Variants in DDX54 observed in about 807,000 individuals in gnomAD.
The protein encoded by DDX54 is DEAD-box helicase 54, also known as ATP-dependent RNA helicase DDX54.
DDX54 carries 67 observed loss-of-function variants against 105.5 expected under a neutral mutation model. The observed-to-expected ratio is 0.64, with a 90% CI of 0.52 to 0.78. The LOEUF (loss-of-function observed/expected upper bound fraction) is 0.78, where lower values mean the gene tolerates loss of function less well. DDX54 is among the 30% of genes least tolerant of loss of function. The probability of loss-of-function intolerance (pLI) is 0.00; values close to 1 mark genes in which losing one functional copy is unlikely to be tolerated. For synonymous variants in DDX54, 514 were observed against 509.9 expected (o/e 1.01, Z -0.11); for missense variants, 1,206 against 1,230.5 (o/e 0.98, Z 0.30).
chr12:113,184,290 C>T (rs1952500236), intron 1 of DDX54, among the ~76,000 whole-genome samples: 1 of 152,072 alleles, frequency 6.6e-6, no homozygotes, highest in Non-Finnish European at 1.5e-5. Context: ...CTATGTTGCC[C>T]AGGCTGATCT....
In DDX54 at chr12:113,166,122, C is replaced by T. The variant is rs1952272964; in HGVS notation, c.1415-90G>A. ...ACCACTCTTGGGCCTCACCCTGGCCCCTGAATCACAGGTAAATGGCTACAA... is the reference window on the plus strand; with the variant it reads ...ACCACTCTTGGGCCTCACCCTGGCCTCTGAATCACAGGTAAATGGCTACAA... On this transcript the variant is annotated intron_variant, in intron 12 of 19. Coordinates refer to ENST00000306014, the MANE Select transcript of DDX54 (RefSeq NM_024072.4). The T allele has an allele frequency of 3.8e-6, 5 of 1,300,326 alleles. No individual in the cohort carries two copies. In the East Asian group the frequency reaches 1.2e-4, roughly 31 times the overall value. 80.5% of individuals were successfully genotyped at this position (1,300,326 alleles called of 1,614,324 possible).
Position 113,158,963 on chromosome 12 carries a change from TGCGG to T in DDX54, c.2556_2559del (p.Arg853ThrfsTer42). 1 of 1,611,450 alleles carries T rather than the reference TGCGG, an allele frequency of 6.2e-7. No homozygotes were observed. The highest frequency in any genetic ancestry group is 8.5e-7 in the Non-Finnish European group (1 of 1,179,058). ...TGCAGCTCCTGGACGCGGCGGCGGT[TGCGG>T]GCAGAGAGCTGCTTGAGGCCACCAC... is the stretch of plus-strand genomic sequence containing the variant. On this transcript the variant is annotated frameshift_variant, in exon 20 of 20. Transcript: ENST00000306014. LOFTEE classifies it high-confidence loss of function. The surrounding 1 kb of genome is among the most constrained non-coding windows in gnomAD (Gnocchi z 4.9).
At chr12:113,162,733 C>T (rs1439649340) in intron 17 of DDX54, 199 bp downstream of exon 17, 6 of 555,542 alleles carry the variant, frequency 1.1e-5, no homozygotes, top group Non-Finnish European at 1.9e-5. Context: ...AGGGGCAGCT[C>T]ACTCTCTCAC....
intron 6 of DDX54, 37 bp downstream of exon 6, chr12:113,177,015 G>C: frequency 6.2e-7 from 1 of 1,613,880 alleles, no homozygotes. Context: ...CCACTAGGAA[G>C]GGATCTCAGG....
At chr12:113,178,103 G>A (rs1157035992) in intron 5 of DDX54, among the ~76,000 whole-genome samples, 1 of 152,088 alleles carries the variant, frequency 6.6e-6, no homozygotes, top group Non-Finnish European at 1.5e-5. Flanking sequence ...TGGGCATGGT[G>A]GTGCACACCT....
At chr12:113,178,174 C>G (rs1355295799) in intron 5 of DDX54, among the ~76,000 whole-genome samples, 1 of 152,198 alleles carries the variant, frequency 6.6e-6, no homozygotes, top group Non-Finnish European at 1.5e-5. Context: ...GAGGTTGAGG[C>G]TGCTGTTAGC....
rs778204031 is a variant in DDX54, at chr12:113,161,889, A to G, written c.2300+4T>C. The G allele has an allele frequency of 2.6e-6, 4 of 1,552,702 alleles. No homozygotes were observed. Among genetic ancestry groups the G allele is most frequent in the Middle Eastern group, 1.7e-4 (1 of 5,802 alleles). ...CCCCTCCCCAGCCACGCCCCTCAGG[A>G]TACAGGTCTCGCTTGTAGGAGCTGC... On this transcript the variant is annotated splice_donor_region_variant and intron_variant, in intron 18 of 19. Transcript: ENST00000306014.
intron 12 of DDX54, among the ~76,000 whole-genome samples, chr12:113,167,602 C>T (rs1158176612): frequency 1.3e-5 from 2 of 152,194 alleles, no homozygotes; most frequent in South Asian, 2.1e-4. Flanking sequence ...GGGTCAGGGT[C>T]GGAAACCGAA....
At position 113,174,625 on chromosome 12, in the gene DDX54, C is replaced by G; in HGVS notation, c.1068+15G>C. On this transcript the variant is annotated intron_variant, in intron 10 of 19. Coordinates refer to ENST00000306014, the MANE Select transcript of DDX54 (RefSeq NM_024072.4). ...AGCTGAAGGAGGTGCTCCTCCCACT[C>G]AGGACCCTGCTCACCTCAGTGAGGT... The G allele has an allele frequency of 1.2e-6, 2 of 1,609,262 alleles. No homozygotes were observed. Among genetic ancestry groups the G allele is most frequent in the Non-Finnish European group, 8.5e-7 (1 of 1,176,188 alleles).
rs1414200941 is a variant in DDX54, at chr12:113,174,644, G to A, written c.1064C>T (p.Thr355Ile). 1.9e-6 allele frequency: 3 copies of A among 1,611,646 alleles called. No individual in the cohort carries two copies. The highest frequency in any genetic ancestry group is 2.5e-6 in the Non-Finnish European group (3 of 1,178,048). The change falls in exon 10 of 20, where the codon ACT (threonine) becomes ATT (isoleucine). Residue 355 changes from threonine (T) to isoleucine (I), a missense_variant. Transcript: ENST00000306014. ...CCCACTCAGGACCCTGCTCACCTCA[G>A]TGAGGTACTCGGCGTGGTGCTTCGT... ...VATKHHAEYL[T>I]ELLTTQRVSC... is the part of the protein sequence containing the mutation.
At chr12:113,169,680 G>C in intron 12 of DDX54, 90 bp downstream of exon 12, 2 of 1,423,246 alleles carry the variant, frequency 1.4e-6, no homozygotes, top group Non-Finnish European at 1.9e-6. Context: ...ATCTTCTGCT[G>C]GGGTCAAACC....
rs750879269 is a variant in DDX54, at chr12:113,161,261, G to A, written c.2413+9C>T. On this transcript the variant is annotated intron_variant, in intron 19 of 19. Transcript: ENST00000306014. ...CCTGTGCACCCACACTCCCCACCCT[G>A]GCTCTCACCTTGGCCACGGTCTCGC... The A allele has an allele frequency of 3.7e-6, 6 of 1,607,988 alleles. No homozygotes were observed. Among genetic ancestry groups the A allele is most frequent in the Middle Eastern group, 1.7e-4 (1 of 5,956 alleles).
In DDX54 at chr12:113,163,815, G is replaced by T. The variant is rs1441346558; in HGVS notation, c.1938+252C>A. 6.6e-6 allele frequency among the ~76,000 whole-genome samples: 1 copy of T among 152,196 alleles called. No homozygotes were observed. The highest frequency in any genetic ancestry group is 2.1e-4 in the South Asian group (1 of 4,834). On this transcript the variant is annotated intron_variant, in intron 15 of 19. Coordinates refer to ENST00000306014, the MANE Select transcript of DDX54 (RefSeq NM_024072.4). The surrounding 1 kb of genome is among the most constrained non-coding windows in gnomAD (Gnocchi z 5.9). ...TCACTGCAGAAGCCCTGATGTGTTTGGTGGCTGGTGATGCCCCGGACCCCA... is the reference window on the plus strand; with the variant it reads ...TCACTGCAGAAGCCCTGATGTGTTTTGTGGCTGGTGATGCCCCGGACCCCA...
At position 113,165,873 on chromosome 12, in the gene DDX54, G is replaced by T. The variant is rs35080925; in HGVS notation, c.1574C>A (p.Ala525Glu). 3 of 1,613,598 alleles carry T rather than the reference G, an allele frequency of 1.9e-6. No individual in the cohort carries two copies. The South Asian group carries it at 3.3e-5, about 18-fold the overall frequency. Reference protein sequence around the residue: ...AQQQYVRSRPAPSPESIKRAK... With the variant: ...AQQQYVRSRPEPSPESIKRAK... ...CCTCTTGATGGACTCAGGCGAGGGCGCCGGGCGTGAGCGCACATACTGCTG... is the reference window on the plus strand; with the variant it reads ...CCTCTTGATGGACTCAGGCGAGGGCTCCGGGCGTGAGCGCACATACTGCTG... The change falls in exon 13 of 20, where the codon GCG becomes GAG. Residue 525 changes from alanine (A) to glutamate (E), a missense_variant. Ala to Glu is a moderately radical substitution (Grantham distance 107, BLOSUM62 -1). Transcript: ENST00000306014.
chr12:113,168,248 T>C (rs558757144), intron 12 of DDX54, among the ~76,000 whole-genome samples: 2 of 152,184 alleles, frequency 1.3e-5, no homozygotes, highest in Non-Finnish European at 2.9e-5. Flanking sequence ...AGACCACCAC[T>C]GGCAGCCAAG....
At chr12:113,176,691 T>C in intron 7 of DDX54, 149 bp downstream of exon 7, 1 of 739,528 alleles carries the variant, frequency 1.4e-6, no homozygotes, top group South Asian at 1.8e-5. Context: ...GCACCGCTTA[T>C]GAGGAGGTCT....
rs142110780 is a variant in DDX54 at position 113,172,409 on chromosome 12, T to C, written c.1223A>G (p.Asp408Gly). The C allele has an allele frequency of 1.4e-4, 218 of 1,614,092 alleles. 1 individual carries two copies. The highest frequency in any genetic ancestry group is 1.5e-4 in the Non-Finnish European group (175 of 1,180,046). Reference sequence around the variant, plus strand: ...GGGGAAGCTGTAGTTGATGACATTGTCCAGCAGCGGGATGTCCAGGCCTCG... The same window carrying C: ...GGGGAAGCTGTAGTTGATGACATTGCCCAGCAGCGGGATGTCCAGGCCTCG... ...AARGLDIPLL[D>G]NVINYSFPAK... The change falls in exon 11 of 20, where the codon GAC becomes GGC. Residue 408 changes from aspartate (D) to glycine (G), a missense_variant. Physicochemically the swap from Asp to Gly is moderately conservative, Grantham distance 94. Transcript: ENST00000306014.
intron 17 of DDX54, among the ~76,000 whole-genome samples, 167 bp from the exon 18 acceptor site, chr12:113,162,164 T>C (rs942706330): frequency 6.6e-6 from 1 of 152,074 alleles, no homozygotes; most frequent in Non-Finnish European, 1.5e-5. Flanking sequence ...TAAAGGCTTC[T>C]TCCCTATCCC....
rs987752249 is a variant in DDX54, at chr12:113,161,338, G to T, written c.2345C>A (p.Ser782Ter). The stretch of plus-strand genomic sequence containing the variant: ...CCGGTCAGATGCCCCTTCTTCGTCC[G>T]AGTCACGATCATCAATTTTCTGTTT... Reference protein sequence around the residue: ...KQKQKIDDRDSDEEGASDRRG... With the variant: ...KQKQKIDDRD The change falls in exon 19 of 20, where the codon TCG becomes TAG. Residue 782 changes from serine to a stop codon, truncating the protein, a stop_gained. Transcript: ENST00000306014. LOFTEE classifies it high-confidence loss of function. 1.9e-6 allele frequency: 3 copies of T among 1,613,338 alleles called. No homozygotes were observed. The highest frequency in any genetic ancestry group is 1.7e-5 in the Admixed American group (1 of 59,946).
Sources: gnomAD v4.1 joint callset for allele counts (sites outside exome capture counted in the v4.1 genomes callset) on GRCh38, gnomAD v4.1.1 for gene constraint, Gnocchi (gnomAD v3.1) non-coding constraint, MANE v1.5 for transcripts, NCBI Gene and HGNC (gene_info 2026-07-23, HGNC 2026-07-21) for gene names.